The following PHIP variants were observed in gnomAD, a reference collection of about 807,000 sequenced individuals.
PHIP encodes the protein PHIP subunit of CUL4-Ring ligase complex, also known as PH-interacting protein.
Under a neutral mutation model 236.8 loss-of-function variants are expected in PHIP, and 54 were observed. The observed-to-expected ratio is 0.23, with a 90% CI of 0.18 to 0.29. The LOEUF is 0.29. PHIP is among the 10% of genes least tolerant of loss of function. PHIP has a pLI of 1.00. For synonymous variants in PHIP, 756 were observed against 718.9 expected, an observed-to-expected ratio of 1.05 and a Z score of -0.83; for missense variants, 1,370 against 2,190.8, an observed-to-expected ratio of 0.63 and a Z score of 7.48.
intron 30 of PHIP, among the ~76,000 whole-genome samples, chr6:78,962,306 C>A (rs986327636): frequency 1.3e-5 from 2 of 152,084 alleles, no homozygotes; most frequent in Non-Finnish European, 2.9e-5. Flanking sequence ...CCAATACACA[C>A]CGTAAAGTTG....
intron 19 of PHIP, among the ~76,000 whole-genome samples, chr6:78,991,278 G>T (rs987904898): frequency 6.6e-6 from 1 of 151,824 alleles, no homozygotes; most frequent in Non-Finnish European, 1.5e-5. Context: ...TGATTCCTAG[G>T]GTAATTTTTC....
rs140020029 is a variant in PHIP, at chr6:78,968,379, T to C, written c.3205+1456A>G. The stretch of plus-strand genomic sequence containing the variant: ...TACACAGATTTTTCCAATAAACAGA[T>C]TTGGCCCTCTGTATTGGCAGATTCT... On this transcript the variant is annotated intron_variant, in intron 27 of 39. Transcript: ENST00000275034. Among the ~76,000 whole-genome samples the C allele has an allele frequency of 4.2e-3, 646 of 152,290 alleles. 3 individuals are homozygous for C. Among genetic ancestry groups the C allele is most frequent in the African/African-American group, 0.015 (629 of 41,554 alleles).
At chr6:79,055,564 T>C (rs1562213533) in intron 6 of PHIP, among the ~76,000 whole-genome samples, 2 of 152,192 alleles carry the variant, frequency 1.3e-5, no homozygotes, top group South Asian at 2.1e-4. Flanking sequence ...AAGCTAGTAA[T>C]AACAACAGAT....
intron 17 of PHIP, among the ~76,000 whole-genome samples, chr6:78,999,232 C>T (rs1769835047): frequency 6.6e-6 from 1 of 152,132 alleles, no homozygotes; most frequent in Admixed American, 6.6e-5. Context: ...TGACTTCTGC[C>T]CTTCTAAAAA....
intron 24 of PHIP, 28 bp from the exon 25 acceptor site, chr6:78,970,916 C>A: frequency 6.8e-7 from 1 of 1,474,216 alleles, no homozygotes; most frequent in Non-Finnish European, 9.4e-7. Context: ...AATCTTACAA[C>A]CTGGATGTGT....
At chr6:79,008,730 T>C (rs1461684828) in intron 15 of PHIP, among the ~76,000 whole-genome samples, 1 of 152,208 alleles carries the variant, frequency 6.6e-6, no homozygotes, top group Non-Finnish European at 1.5e-5. Context: ...TTCTTCTTTT[T>C]ACTCCTAGCC....
At chr6:78,971,682 G>A (rs530723345) in intron 24 of PHIP, among the ~76,000 whole-genome samples, 171 of 152,256 alleles carry the variant, frequency 1.1e-3, no homozygotes, top group Non-Finnish European at 1.6e-3. Context: ...CACCGTGTGC[G>A]AGCCGAAGTA....
At chr6:79,018,071 A>G (rs1426950929) in intron 10 of PHIP, among the ~76,000 whole-genome samples, 2 of 151,954 alleles carry the variant, frequency 1.3e-5, no homozygotes, top group East Asian at 1.9e-4. Context: ...TCTACCTTGC[A>G]TTACAGTTAT....
At chr6:78,965,850 C>T in intron 28 of PHIP, 86 bp from the exon 29 acceptor site, 1 of 1,180,132 alleles carries the variant, frequency 8.5e-7, no homozygotes, top group Non-Finnish European at 1.2e-6. Context: ...ATAATTGCTT[C>T]TGTGTTTAAA....
chr6:78,945,558 G>A (rs1773767083), intron 38 of PHIP, 61 bp from the exon 39 acceptor site: 1 of 1,038,876 alleles, frequency 9.6e-7, no homozygotes, highest in Admixed American at 2.0e-5. Context: ...TAAGAAAAAA[G>A]GTTAACCTGA....
intron 4 of PHIP, among the ~76,000 whole-genome samples, chr6:79,076,609 C>A (rs1418278993): frequency 2.6e-5 from 4 of 152,146 alleles, no homozygotes; most frequent in Non-Finnish European, 4.4e-5. Context: ...GGTTTTTAAG[C>A]TATTAAACAA....
intron 35 of PHIP, among the ~76,000 whole-genome samples, chr6:78,951,799 T>C (rs1774167947): frequency 6.6e-6 from 1 of 152,232 alleles, no homozygotes; most frequent in Non-Finnish European, 1.5e-5. Context: ...TTCATTTGCC[T>C]ATTGTCTCAG....
chr6:78,962,677 T>C (rs983675877), intron 30 of PHIP, among the ~76,000 whole-genome samples: 8 of 152,224 alleles, frequency 5.3e-5, no homozygotes, highest in Non-Finnish European at 1.2e-4. Flanking sequence ...ATATACCCTC[T>C]CCTCTCCCCT....
At chr6:79,013,392 T>G (rs1770689412) in intron 15 of PHIP, among the ~76,000 whole-genome samples, 1 of 151,778 alleles carries the variant, frequency 6.6e-6, no homozygotes, top group Non-Finnish European at 1.5e-5. Flanking sequence ...TTATTACATG[T>G]ATTTGTTTCT....
chr6:78,961,826 A>G lies in PHIP; in HGVS notation c.3536-16T>C. 6.3e-7 allele frequency: 1 copy of G among 1,578,002 alleles called. No homozygotes were observed. The highest frequency in any genetic ancestry group is 8.6e-7 in the Non-Finnish European group (1 of 1,162,102). On this transcript the variant is annotated splice_polypyrimidine_tract_variant and intron_variant, in intron 30 of 39. Coordinates refer to ENST00000275034, the MANE Select transcript of PHIP (RefSeq NM_017934.7). ...GAGGCAATATCTAAAATAAATAGAT[A>G]AGTTTGTAAATTTATTTTTGTATGC...
rs1770772308 is a variant in PHIP at position 79,014,984 on chromosome 6, C to T, written c.1524+98G>A. ...GGGAATTTAAAGTCAAAATAATGAACCAATTTTTAAATGGATTTCCTTTGT... is the reference window on the plus strand; with the variant it reads ...GGGAATTTAAAGTCAAAATAATGAATCAATTTTTAAATGGATTTCCTTTGT... On this transcript the variant is annotated intron_variant, in intron 15 of 39. Coordinates refer to ENST00000275034, the MANE Select transcript of PHIP (RefSeq NM_017934.7). 1.1e-5 allele frequency: 10 copies of T among 933,018 alleles called. No homozygotes were observed. The South Asian group carries it at 1.7e-4, about 16-fold the overall frequency. 57.8% of individuals were successfully genotyped at this position (933,018 alleles called of 1,614,324 possible).
intron 7 of PHIP, among the ~76,000 whole-genome samples, chr6:79,032,287 A>C (rs1284751391): frequency 6.6e-6 from 1 of 152,188 alleles, no homozygotes; most frequent in African/African-American, 2.4e-5. Context: ...AAAATAAGAC[A>C]ACAATGAAGT....
chr6:79,038,430 T>C (rs772307319), intron 7 of PHIP, among the ~76,000 whole-genome samples: 9 of 152,334 alleles, frequency 5.9e-5, no homozygotes, highest in Non-Finnish European at 8.8e-5. Context: ...TGCTACCACA[T>C]TGGGGATTAA....
At chr6:79,063,641 T>C (rs534807882) in intron 4 of PHIP, among the ~76,000 whole-genome samples, 1 of 152,276 alleles carries the variant, frequency 6.6e-6, no homozygotes, top group African/African-American at 2.4e-5. Flanking sequence ...GGTCTCGAAC[T>C]TCTGACCTCA....
Sources: allele counts gnomAD v4.1 joint callset (sites outside exome capture counted in the v4.1 genomes callset), GRCh38; gene constraint gnomAD v4.1.1; transcripts MANE v1.5; gene names NCBI Gene and HGNC (gene_info 2026-07-23, HGNC 2026-07-21).